MED10: variants seen among roughly 807,000 people sequenced by gnomAD.
MED10 encodes the protein mediator of RNA polymerase II transcription subunit 10.
Under a neutral mutation model 17.2 loss-of-function variants are expected in MED10, and 9 were observed. That is an observed-to-expected ratio of 0.52 (90% CI 0.31 to 0.91). The LOEUF (loss-of-function observed/expected upper bound fraction) is 0.91. Among genes scored for constraint, MED10 ranks in the 40% least tolerant of loss-of-function variants. The pLI, the probability that MED10 is intolerant of heterozygous loss-of-function variation, is 0.04. For missense variants in MED10, 129 were observed against 164.8 expected, an observed-to-expected ratio of 0.78 and a Z score of 1.19; for synonymous variants, 66 against 59.8, an observed-to-expected ratio of 1.10 and a Z score of -0.48.
At chr5:6,377,715 C>T (rs945434211) in intron 1 of MED10, among the ~76,000 whole-genome samples, 3 of 152,290 alleles carry the variant, frequency 2.0e-5, no homozygotes, top group South Asian at 4.1e-4. Flanking sequence ...GGTATGGAAC[C>T]TCGAGTGCAA....
chr5:6,375,232 C>A (rs2111435679), intron 2 of MED10, among the ~76,000 whole-genome samples: 1 of 152,270 alleles, frequency 6.6e-6, no homozygotes, highest in East Asian at 1.9e-4. Context: ...CTACCTTTTT[C>A]TGTACCCTAA....
intron 1 of MED10, 32 bp downstream of exon 1, chr5:6,378,330 G>C (rs1244308844): frequency 6.4e-7 from 1 of 1,566,966 alleles, no homozygotes; most frequent in Non-Finnish European, 8.6e-7. Context: ...CAGGCCCTGG[G>C]GAGACCCCGG....
intron 3 of MED10, 80 bp downstream of exon 3, chr5:6,374,244 A>G: frequency 7.6e-6 from 7 of 918,662 alleles, no homozygotes; most frequent in Non-Finnish European, 1.3e-5. Flanking sequence ...GCAAGTATGG[A>G]AAAAAATGAG....
At position 6,378,438 on chromosome 5, in the gene MED10, C is replaced by A; in HGVS notation, c.46G>T (p.Val16Leu). The change falls in exon 1 of 4, where the codon GTG becomes TTG. Residue 16 changes from valine to leucine, a missense_variant. Val to Leu is a conservative substitution (Grantham distance 32, BLOSUM62 1). Around this residue, in one of 3 missense-constraint regions of MED10, gnomAD observed 23 missense variants for 17.7 expected, o/e 1.30. Coordinates refer to ENST00000255764, the MANE Select transcript of MED10 (RefSeq NM_032286.3). Reference protein sequence around the residue: ...DHLEEHLEKFVENIRQLGIIV... With the variant: ...DHLEEHLEKFLENIRQLGIIV... Reference sequence around the variant, plus strand: ...ATGCCGAGCTGCCGAATGTTCTCCACGAACTTCTCCAGGTGCTCCTCTAGG... The same window carrying A: ...ATGCCGAGCTGCCGAATGTTCTCCAAGAACTTCTCCAGGTGCTCCTCTAGG... 9.3e-6 allele frequency: 15 copies of A among 1,613,796 alleles called. No individual in the cohort carries two copies. The highest frequency in any genetic ancestry group is 1.3e-5 in the Non-Finnish European group (15 of 1,179,912).
In MED10 at chr5:6,371,899, T is replaced by C. The variant is rs1737895279; in HGVS notation, c.*604A>G. ...TTAACTGTTTACAAGACACATTGTA[T>C]TATATTACAAAAATAATTACATGGA... On this transcript the variant is annotated 3_prime_UTR_variant, in exon 4 of 4. Transcript: ENST00000255764. 6.6e-6 allele frequency: 1 copy of C among 152,234 alleles called. No individual in the cohort carries two copies. The highest frequency in any genetic ancestry group is 1.5e-5 in the Non-Finnish European group (1 of 68,042). The allele number at this position is 152,234 out of a possible 1,614,324, so 9.4% of individuals were successfully genotyped here. A position where few individuals can be genotyped will look rare whatever the true frequency, so the allele number is the denominator to read the frequency against.
rs1462842182 is a variant in MED10 at position 6,378,422 on chromosome 5, T to TGCCGAATG, written c.54_61dup (p.Gln21ProfsTer24). ...GAAGTCACTGACGATGATGCCGAGC[T>TGCCGAATG]GCCGAATGTTCTCCACGAACTTCTC... On this transcript the variant is annotated frameshift_variant, in exon 1 of 4. Transcript: ENST00000255764. LOFTEE classifies it high-confidence loss of function. The TGCCGAATG allele has an allele frequency of 6.2e-7, 1 of 1,613,744 alleles. No homozygotes were observed. Among genetic ancestry groups the TGCCGAATG allele is most frequent in the Non-Finnish European group, 8.5e-7 (1 of 1,179,892 alleles).
At position 6,378,518 on chromosome 5, in the gene MED10, C is replaced by T; in HGVS notation, c.-35G>A. On this transcript the variant is annotated 5_prime_UTR_variant, in exon 1 of 4. Coordinates refer to ENST00000255764, the MANE Select transcript of MED10 (RefSeq NM_032286.3). ...CCGTCCCCGACCCACACAGCCTCAACCAGCAGCGCCGCAGGCGTGGCCCTA... is the reference window on the plus strand; with the variant it reads ...CCGTCCCCGACCCACACAGCCTCAATCAGCAGCGCCGCAGGCGTGGCCCTA... 6.3e-7 allele frequency: 1 copy of T among 1,592,708 alleles called. No individual in the cohort carries two copies. The highest frequency in any genetic ancestry group is 8.6e-7 in the Non-Finnish European group (1 of 1,168,142).
chr5:6,375,341 G>A (rs1737970037), intron 2 of MED10, among the ~76,000 whole-genome samples: 1 of 152,056 alleles, frequency 6.6e-6, no homozygotes. Flanking sequence ...TATAATTGAG[G>A]CCAAAAATAT....
chr5:6,373,291 C>T (rs1167613351), intron 3 of MED10, among the ~76,000 whole-genome samples: 2 of 152,156 alleles, frequency 1.3e-5, no homozygotes, highest in East Asian at 3.9e-4. Context: ...CGCACATTAG[C>T]CATGGCTGAG....
At chr5:6,377,856 G>A (rs1387644290) in intron 1 of MED10, among the ~76,000 whole-genome samples, 2 of 152,160 alleles carry the variant, frequency 1.3e-5, no homozygotes, top group Admixed American at 1.3e-4. Context: ...AATAATAAAC[G>A]TTCTGCAACC....
At chr5:6,375,417 T>A (rs1234265819) in intron 2 of MED10, among the ~76,000 whole-genome samples, 2 of 152,234 alleles carry the variant, frequency 1.3e-5, no homozygotes, top group African/African-American at 2.4e-5. Flanking sequence ...CCTTGATAGA[T>A]AGCAAAAGAT....
intron 3 of MED10, 29 bp from the exon 4 acceptor site, chr5:6,372,630 C>G: frequency 6.5e-7 from 1 of 1,543,670 alleles, no homozygotes; most frequent in Middle Eastern, 1.7e-4. Flanking sequence ...ATCAAAGGAG[C>G]TCTTCACATC....
At position 6,372,477 on chromosome 5, in the gene MED10, A is replaced by T. The variant is rs770139150; in HGVS notation, c.*26T>A. 2.5e-6 allele frequency: 4 copies of T among 1,595,442 alleles called. No individual in the cohort carries two copies. Among genetic ancestry groups the T allele is most frequent in the Non-Finnish European group, 3.4e-6 (4 of 1,163,250 alleles). On this transcript the variant is annotated 3_prime_UTR_variant, in exon 4 of 4. Coordinates refer to ENST00000255764, the MANE Select transcript of MED10 (RefSeq NM_032286.3). ...TCACGCCGCATCGCAGTCCCAGGGG[A>T]TCTTCACACAGGGAGGGTGAGCTGG... is the stretch of plus-strand genomic sequence containing the variant.
intron 1 of MED10, 25 bp from the exon 2 acceptor site, chr5:6,377,274 C>T (rs765571411): frequency 1.3e-6 from 2 of 1,570,860 alleles, no homozygotes; most frequent in East Asian, 4.5e-5. Context: ...AACACACAGG[C>T]ATCTGGTTAA....
At position 6,378,537 on chromosome 5, in the gene MED10, G is replaced by C; in HGVS notation, c.-54C>G. 1 of 1,563,292 alleles carries C rather than the reference G, an allele frequency of 6.4e-7. No homozygotes were observed. The highest frequency in any genetic ancestry group is 8.7e-7 in the Non-Finnish European group (1 of 1,151,670). On this transcript the variant is annotated 5_prime_UTR_variant, in exon 1 of 4. Transcript: ENST00000255764. ...CCTCAACCAGCAGCGCCGCAGGCGT[G>C]GCCCTACGCTCCCGCTTCCTGCTTC...
intron 1 of MED10, 101 bp downstream of exon 1, chr5:6,378,261 G>A: frequency 7.1e-7 from 1 of 1,407,200 alleles, no homozygotes; most frequent in Non-Finnish European, 9.3e-7. Context: ...GGCACGAGTA[G>A]CGGTCAGGCT....
intron 1 of MED10, among the ~76,000 whole-genome samples, chr5:6,377,577 G>A (rs1579254728): frequency 6.6e-6 from 1 of 152,276 alleles, no homozygotes; most frequent in East Asian, 1.9e-4. Context: ...CGGTTTCAGC[G>A]AACACATGAG....
Position 6,372,436 on chromosome 5 carries a change from A to ACT in MED10, c.*65_*66dup. 2 of 1,344,100 alleles carry ACT rather than the reference A, an allele frequency of 1.5e-6. No individual in the cohort carries two copies. Among genetic ancestry groups the ACT allele is most frequent in the Admixed American group, 3.4e-5 (2 of 59,388 alleles). 83.3% of individuals were successfully genotyped at this position (1,344,100 alleles called of 1,614,324 possible). On this transcript the variant is annotated 3_prime_UTR_variant, in exon 4 of 4. Coordinates refer to ENST00000255764, the MANE Select transcript of MED10 (RefSeq NM_032286.3). ...ACCTCAGCAGGAAGGTGGCGTCAGCACTCGCAGTCCCAGCCTCACGCCGCA... is the reference window on the plus strand; with the variant it reads ...ACCTCAGCAGGAAGGTGGCGTCAGCACTCTCGCAGTCCCAGCCTCACGCCGCA...
chr5:6,375,946 T>TGAAGCTGTG (rs1737978776), intron 2 of MED10, among the ~76,000 whole-genome samples: 1 of 152,200 alleles, frequency 6.6e-6, no homozygotes, highest in Non-Finnish European at 1.5e-5. Context: ...TTTGTTCTGC[T>TGAAGCTGTG]TCAGAAGACA....
Sources: allele counts gnomAD v4.1 joint callset (sites outside exome capture counted in the v4.1 genomes callset), GRCh38; gene constraint gnomAD v4.1.1; regional missense constraint gnomAD v4.1.1; transcripts MANE v1.5; gene names NCBI Gene and HGNC (gene_info 2026-07-23, HGNC 2026-07-21).